The following NEK10 variants were observed in gnomAD, a reference collection of about 807,000 sequenced individuals.
NEK10 encodes the protein NIMA related kinase 10, also known as serine/threonine-protein kinase Nek10.
A neutral mutation model predicts 159.8 loss-of-function variants in NEK10; 122 were observed. That is an observed-to-expected ratio of 0.76 (90% CI 0.66 to 0.89). The LOEUF is 0.89. Ranked by LOEUF, NEK10 falls within the 40% of genes least tolerant of loss-of-function variation. The pLI, the probability that NEK10 is intolerant of heterozygous loss-of-function variation, is 0.00. For missense variants in NEK10, 1,342 were observed against 1,323.1 expected (o/e 1.01, Z -0.22); for synonymous variants, 466 against 457.1 (o/e 1.02, Z -0.25).
intron 23 of NEK10, among the ~76,000 whole-genome samples, chr3:27,229,894 G>T (rs1953049559): frequency 6.6e-6 from 1 of 152,006 alleles, no homozygotes; most frequent in South Asian, 2.1e-4. Flanking sequence ...TCAAACTCAA[G>T]AATAATTGGT....
chr3:27,161,433 C>T (rs1266636842), intron 30 of NEK10, among the ~76,000 whole-genome samples: 1 of 152,098 alleles, frequency 6.6e-6, no homozygotes, highest in Non-Finnish European at 1.5e-5. Flanking sequence ...GTCAGTTTGC[C>T]TATATTCACT....
chr3:27,188,125 T>A (rs1404484775), intron 26 of NEK10, among the ~76,000 whole-genome samples: 2 of 152,146 alleles, frequency 1.3e-5, no homozygotes. Flanking sequence ...TGAGCTGGAG[T>A]TTCTGCACTT....
intron 23 of NEK10, chr3:27,255,416 T>C (rs1956076843): frequency 4.9e-6 from 1 of 202,466 alleles, no homozygotes; most frequent in East Asian, 1.4e-4. Flanking sequence ...ATTAGGCTGC[T>C]ATTTTTAGAC....
In NEK10 at chr3:27,201,502, C is replaced by A; in HGVS notation, c.2291+8G>T. On this transcript the variant is annotated splice_region_variant and intron_variant, in intron 25 of 35. Transcript: ENST00000691995. The stretch of plus-strand genomic sequence containing the variant: ...TCCCTACATGTCTGAAGCCGCAAGA[C>A]TAATTACCTGCTGATGGTGTCTGTT... The A allele has an allele frequency of 6.2e-7, 1 of 1,612,928 alleles. No individual in the cohort carries two copies.
At chr3:27,312,755 TAAG>T (rs1395062073) in intron 7 of NEK10, among the ~76,000 whole-genome samples, 1 of 152,136 alleles carries the variant, frequency 6.6e-6, no homozygotes, top group East Asian at 1.9e-4. Context: ...TTAAAATGGA[TAAG>T]AAGATGCTTT....
At chr3:27,339,091 T>C (rs545469084) in intron 5 of NEK10, among the ~76,000 whole-genome samples, 11 of 152,274 alleles carry the variant, frequency 7.2e-5, no homozygotes, top group African/African-American at 2.4e-4. Context: ...AACAGCTCAA[T>C]AGCAAAAAAT....
chr3:27,308,981 G>A lies in NEK10; in HGVS notation c.661C>T (p.Arg221Ter), dbSNP rs753289139. The change falls in exon 10 of 36, where the codon CGA (arginine) becomes TGA (stop). Residue 221 changes from arginine (R) to a stop codon, truncating the protein, a stop_gained. Coordinates refer to ENST00000691995, the MANE Select transcript of NEK10 (RefSeq NM_001394966.1). LOFTEE classifies it high-confidence loss of function. The stretch of plus-strand genomic sequence containing the variant: ...GAACCCAATAGAACATTAGTATCTC[G>A]GGCACCAAGTAAATTTACTAATGTC... ...HKTLVNLLGA[R>*]DTNVLLGSLL... The A allele has an allele frequency of 6.3e-6, 10 of 1,594,266 alleles. No individual in the cohort carries two copies. The highest frequency in any genetic ancestry group is 4.0e-5 in the African/African-American group (3 of 74,466).
intron 23 of NEK10, among the ~76,000 whole-genome samples, chr3:27,224,837 A>G (rs991043998): frequency 1.1e-4 from 17 of 152,218 alleles, no homozygotes; most frequent in Admixed American, 1.0e-3. Flanking sequence ...TAGGACCACC[A>G]AAAGTATTAT....
intron 25 of NEK10, among the ~76,000 whole-genome samples, chr3:27,197,962 C>G (rs892019398): frequency 6.6e-6 from 1 of 152,124 alleles, no homozygotes; most frequent in African/African-American, 2.4e-5. Context: ...GCTTCCAGCT[C>G]TTGCCCATTC....
At chr3:27,364,900 T>C (rs571667413) in intron 1 of NEK10, among the ~76,000 whole-genome samples, 168 of 152,342 alleles carry the variant, frequency 1.1e-3, no homozygotes, top group Admixed American at 3.5e-3. Flanking sequence ...GTAACACTCC[T>C]AATGAATCTG....
chr3:27,195,942 A>G (rs1949522156), intron 25 of NEK10, among the ~76,000 whole-genome samples: 1 of 152,182 alleles, frequency 6.6e-6, no homozygotes, highest in African/African-American at 2.4e-5. Flanking sequence ...GTGGGTCAGA[A>G]GCACTATCTT....
intron 28 of NEK10, among the ~76,000 whole-genome samples, chr3:27,172,763 G>C (rs1351353842): frequency 6.6e-6 from 1 of 151,830 alleles, no homozygotes; most frequent in East Asian, 1.9e-4. Flanking sequence ...TTATATATCA[G>C]AAAAAATTTT....
intron 22 of NEK10, among the ~76,000 whole-genome samples, chr3:27,276,475 T>A (rs1372462525): frequency 6.6e-6 from 1 of 152,166 alleles, no homozygotes; most frequent in Non-Finnish European, 1.5e-5. Context: ...AAGTGCAATC[T>A]GTCCCAGGAG....
intron 13 of NEK10, among the ~76,000 whole-genome samples, chr3:27,300,077 G>C (rs980459840): frequency 1.3e-5 from 2 of 152,138 alleles, no homozygotes; most frequent in Admixed American, 6.5e-5. Context: ...CGATTTGGGA[G>C]GGGCCGGGAG....
At chr3:27,133,875 A>T (rs1054820115) in intron 31 of NEK10, among the ~76,000 whole-genome samples, 1 of 152,198 alleles carries the variant, frequency 6.6e-6, no homozygotes, top group African/African-American at 2.4e-5. Context: ...ACTTCAGTGT[A>T]CTCTGAAATG....
intron 23 of NEK10, among the ~76,000 whole-genome samples, chr3:27,236,425 A>T (rs1953920287): frequency 6.6e-6 from 1 of 152,186 alleles, no homozygotes; most frequent in African/African-American, 2.4e-5. Flanking sequence ...GCTGGAGGCC[A>T]TTATTCTAAC....
chr3:27,240,766 C>G (rs1475701032), intron 23 of NEK10, among the ~76,000 whole-genome samples: 2 of 151,930 alleles, frequency 1.3e-5, no homozygotes, highest in East Asian at 3.9e-4. Flanking sequence ...ATTCTCCTGC[C>G]TCAGCCTCCC....
At chr3:27,311,425 C>T (rs1010109007) in intron 8 of NEK10, 2 of 158,598 alleles carry the variant, frequency 1.3e-5, no homozygotes, top group African/African-American at 4.8e-5. Context: ...AATAGTCATC[C>T]TCAAAGAGAC....
chr3:27,300,640 C>T (rs900686907), intron 13 of NEK10, among the ~76,000 whole-genome samples: 1 of 152,182 alleles, frequency 6.6e-6, no homozygotes, highest in African/African-American at 2.4e-5. Context: ...TGCCCCTTCT[C>T]AGGCACTCAC....
Sources: gnomAD v4.1 joint callset for allele counts (sites outside exome capture counted in the v4.1 genomes callset) on GRCh38, gnomAD v4.1.1 for gene constraint, MANE v1.5 for transcripts, NCBI Gene and HGNC (gene_info 2026-07-23, HGNC 2026-07-21) for gene names.